The following KIF6 variants were observed in gnomAD, a reference collection of about 807,000 sequenced individuals.
KIF6 encodes kinesin-like protein KIF6.
Under a neutral mutation model 112.7 loss-of-function variants are expected in KIF6, and 106 were observed. The ratio of observed to expected loss-of-function variants is 0.94; its 90% CI spans 0.80 to 1.11. The LOEUF (loss-of-function observed/expected upper bound fraction) is 1.11, where lower values mean the gene tolerates loss of function less well. KIF6 is among the 50% of genes least tolerant of loss of function. The pLI is 0.00. For missense variants in KIF6, 929 were observed against 964.0 expected, an observed-to-expected ratio of 0.96 and a Z score of 0.48; for synonymous variants, 339 against 339.9, an observed-to-expected ratio of 1.00 and a Z score of 0.03.
At chr6:39,588,442 TGGCTCCAGTGATCCACCCGCCTCG>T (rs1781755318) in intron 7 of KIF6, among the ~76,000 whole-genome samples, 2 of 152,136 alleles carry the variant, frequency 1.3e-5, no homozygotes, top group African/African-American at 4.8e-5. Context: ...CTCAAACTCC[TGGCTCCAGTGATCCACCCGCCTCG>T]GCCTCCCAAA....
At chr6:39,474,872 A>C (rs1774330974) in intron 13 of KIF6, among the ~76,000 whole-genome samples, 1 of 152,264 alleles carries the variant, frequency 6.6e-6, no homozygotes, top group Admixed American at 6.5e-5. Context: ...CATAATCACC[A>C]GGGTGGTCGT....
chr6:39,413,714 A>AGGGAG (rs1313661239), intron 15 of KIF6, among the ~76,000 whole-genome samples: 1 of 152,058 alleles, frequency 6.6e-6, no homozygotes, highest in Non-Finnish European at 1.5e-5. Context: ...TGAGACAAGG[A>AGGGAG]GGGAGAGGAG....
At chr6:39,390,404 T>A (rs1389019887) in intron 15 of KIF6, among the ~76,000 whole-genome samples, 1 of 152,126 alleles carries the variant, frequency 6.6e-6, no homozygotes, top group East Asian at 1.9e-4. Context: ...AAAGGCATAA[T>A]TACTACAGGC....
At chr6:39,569,935 T>C (rs1310983129) in intron 10 of KIF6, among the ~76,000 whole-genome samples, 2 of 152,204 alleles carry the variant, frequency 1.3e-5, no homozygotes, top group Non-Finnish European at 2.9e-5. Context: ...TGAATACAGG[T>C]ATAAATTTGT....
intron 2 of KIF6, among the ~76,000 whole-genome samples, chr6:39,719,937 T>G (rs1582527629): frequency 6.6e-6 from 1 of 152,012 alleles, no homozygotes; most frequent in East Asian, 1.9e-4. Flanking sequence ...GAACTATGAC[T>G]CCACCACTGC....
chr6:39,579,554 TAAATG>T (rs1287411510), intron 9 of KIF6, among the ~76,000 whole-genome samples: 1 of 152,144 alleles, frequency 6.6e-6, no homozygotes, highest in Admixed American at 6.5e-5. Context: ...TTCTTTTTGT[TAAATG>T]AAAGTTCAGA....
At chr6:39,369,199 T>G (rs1200695410) in intron 16 of KIF6, among the ~76,000 whole-genome samples, 1 of 152,152 alleles carries the variant, frequency 6.6e-6, no homozygotes, top group Non-Finnish European at 1.5e-5. Flanking sequence ...GTTTAATGGC[T>G]CAAATTTACT....
chr6:39,684,167 AC>A (rs1787706591), intron 3 of KIF6, among the ~76,000 whole-genome samples: 1 of 152,172 alleles, frequency 6.6e-6, no homozygotes, highest in Admixed American at 6.5e-5. Context: ...ATGAAGGGAG[AC>A]ACAGGACACT....
At chr6:39,487,470 C>T (rs112798769) in intron 13 of KIF6, among the ~76,000 whole-genome samples, 3,141 of 152,310 alleles carry the variant, frequency 0.021, 53 homozygotes, top group Non-Finnish European at 0.029. Context: ...TTTAGCTTTC[C>T]GGCTTGCTGT....
chr6:39,704,500 C>A (rs138966089), intron 3 of KIF6, among the ~76,000 whole-genome samples: 2,662 of 152,202 alleles, frequency 0.017, 72 homozygotes, highest in African/African-American at 0.06. Flanking sequence ...TGCCTGTAAT[C>A]CCAGCTACTT....
chr6:39,439,763 G>T (rs1349493731), intron 13 of KIF6, among the ~76,000 whole-genome samples: 6 of 151,950 alleles, frequency 3.9e-5, no homozygotes, highest in Non-Finnish European at 8.8e-5. Context: ...TGGTACTTTG[G>T]GAAGCCCTCC....
rs112262554 is a variant in KIF6 at position 39,607,447 on chromosome 6, C to T, written c.639+5742G>A. Among the ~76,000 whole-genome samples, 579 of 152,130 alleles carry T rather than the reference C, an allele frequency of 3.8e-3. 5 individuals carry two copies. The highest frequency in any genetic ancestry group is 0.013 in the African/African-American group (550 of 41,510). On this transcript the variant is annotated intron_variant, in intron 6 of 22. Transcript: ENST00000287152. Reference sequence around the variant, plus strand: ...AGAAATGCTTGTCATATAGTAAGTGCTCAAAATTAAAGTTTCTTTTCTTCT... The same window carrying T: ...AGAAATGCTTGTCATATAGTAAGTGTTCAAAATTAAAGTTTCTTTTCTTCT...
At chr6:39,594,842 A>C (rs963691179) in intron 7 of KIF6, among the ~76,000 whole-genome samples, 2 of 150,366 alleles carry the variant, frequency 1.3e-5, no homozygotes, top group Non-Finnish European at 2.9e-5. Context: ...CTTATTTTTT[A>C]TTTTATTATT....
At chr6:39,642,688 GA>G (rs895169323) in intron 3 of KIF6, among the ~76,000 whole-genome samples, 1 of 152,116 alleles carries the variant, frequency 6.6e-6, no homozygotes, top group Non-Finnish European at 1.5e-5. Flanking sequence ...AAGTAAACAA[GA>G]ACGTAACCAA....
chr6:39,515,527 G>A (rs916046488), intron 13 of KIF6, among the ~76,000 whole-genome samples: 1 of 152,092 alleles, frequency 6.6e-6, no homozygotes, highest in African/African-American at 2.4e-5. Flanking sequence ...TACTCTCCTT[G>A]TCACCACTCC....
At chr6:39,571,828 T>C (rs1367809850) in intron 10 of KIF6, among the ~76,000 whole-genome samples, 1 of 152,192 alleles carries the variant, frequency 6.6e-6, no homozygotes, top group Non-Finnish European at 1.5e-5. Flanking sequence ...GTTTGCTATA[T>C]GCAAACTCCT....
chr6:39,616,441 G>T (rs1346148920), intron 5 of KIF6, among the ~76,000 whole-genome samples: 1 of 152,178 alleles, frequency 6.6e-6, no homozygotes, highest in East Asian at 1.9e-4. Context: ...GTTTTGAAAA[G>T]TAAATACAAA....
intron 13 of KIF6, among the ~76,000 whole-genome samples, chr6:39,455,469 TC>T (rs1182919243): frequency 6.6e-6 from 1 of 151,982 alleles, no homozygotes; most frequent in East Asian, 1.9e-4. Flanking sequence ...GTGCCTCTCC[TC>T]CTCCAAAGGA....
chr6:39,570,105 A>G (rs1030555195), intron 10 of KIF6, among the ~76,000 whole-genome samples: 1 of 152,204 alleles, frequency 6.6e-6, no homozygotes, highest in Non-Finnish European at 1.5e-5. Flanking sequence ...GTTTTATAAT[A>G]CTATGTGTTT....
Sources: allele counts gnomAD v4.1 joint callset (sites outside exome capture counted in the v4.1 genomes callset), GRCh38; gene constraint gnomAD v4.1.1; transcripts MANE v1.5; gene names NCBI Gene and HGNC (gene_info 2026-07-23, HGNC 2026-07-21).